The following XRCC4 variants were observed in gnomAD, a reference collection of about 807,000 sequenced individuals.
XRCC4 encodes X-ray repair cross complementing 4.
A neutral mutation model predicts 39.1 loss-of-function variants in XRCC4; 28 were observed. That is an observed-to-expected ratio of 0.72 (90% CI 0.53 to 0.98). XRCC4 has a LOEUF of 0.98. Among genes scored for constraint, XRCC4 ranks in the 50% least tolerant of loss-of-function variants. XRCC4 has a pLI of 0.00. For missense variants in XRCC4, 350 were observed against 376.4 expected (o/e 0.93, Z 0.58); for synonymous variants, 123 against 126.4 (o/e 0.97, Z 0.18).
chr5:83,341,331 CATACACACAT>C (rs1756752674), intron 7 of XRCC4, among the ~76,000 whole-genome samples: 1 of 152,132 alleles, frequency 6.6e-6, no homozygotes, highest in African/African-American at 2.4e-5. Context: ...CATACACACA[CATACACACAT>C]ATATACATGC....
the XRCC4 span, among the ~76,000 whole-genome samples, chr5:83,370,336 C>A: frequency 6.6e-6 from 1 of 152,166 alleles, no homozygotes; most frequent in African/African-American, 2.4e-5. Context: ...TAGGAAGTGT[C>A]CTCATCCCTG....
At chr5:83,089,654 T>C (rs1431841418) in intron 1 of XRCC4, among the ~76,000 whole-genome samples, 1 of 152,148 alleles carries the variant, frequency 6.6e-6, no homozygotes, top group Non-Finnish European at 1.5e-5. Context: ...AATCAAGGTT[T>C]CCCTTGATTT....
downstream of XRCC4, among the ~76,000 whole-genome samples, chr5:83,357,410 A>G (rs1032242588): frequency 2.6e-4 from 39 of 152,202 alleles, no homozygotes; most frequent in African/African-American, 8.4e-4. Flanking sequence ...AGGTATGGAT[A>G]AGAATCCATA....
chr5:83,185,246 A>G (rs920862204), intron 3 of XRCC4, among the ~76,000 whole-genome samples: 27 of 151,964 alleles, frequency 1.8e-4, no homozygotes, highest in African/African-American at 6.5e-4. Flanking sequence ...TAGATGAAAA[A>G]ACATGATGGT....
chr5:83,252,057 G>A (rs529405541), intron 6 of XRCC4, among the ~76,000 whole-genome samples: 1 of 152,338 alleles, frequency 6.6e-6, no homozygotes, highest in Non-Finnish European at 1.5e-5. Flanking sequence ...GTAACTTTGA[G>A]ATACTGCCTA....
At chr5:83,139,379 C>T (rs1748056099) in intron 3 of XRCC4, among the ~76,000 whole-genome samples, 1 of 152,140 alleles carries the variant, frequency 6.6e-6, no homozygotes, top group African/African-American at 2.4e-5. Context: ...TTAAGCATTA[C>T]TGTGGGTGAT....
chr5:83,168,385 G>A (rs139103097), intron 3 of XRCC4, among the ~76,000 whole-genome samples: 17 of 152,114 alleles, frequency 1.1e-4, no homozygotes, highest in African/African-American at 4.1e-4. Flanking sequence ...AAGCAACAAT[G>A]GACTCAATTA....
At chr5:83,151,516 G>T (rs1339745340) in intron 3 of XRCC4, among the ~76,000 whole-genome samples, 1 of 152,056 alleles carries the variant, frequency 6.6e-6, no homozygotes, top group Non-Finnish European at 1.5e-5. Flanking sequence ...GGCCTTAAAA[G>T]CTGACCAACA....
chr5:83,315,409 T>C (rs1755845373), intron 7 of XRCC4, among the ~76,000 whole-genome samples: 1 of 152,142 alleles, frequency 6.6e-6, no homozygotes. Context: ...GCTGAGATAA[T>C]TGATGACAGT....
At chr5:83,292,262 C>T (rs1754947173) in intron 7 of XRCC4, among the ~76,000 whole-genome samples, 1 of 151,796 alleles carries the variant, frequency 6.6e-6, no homozygotes, top group South Asian at 2.1e-4. Flanking sequence ...ATTGAACCAA[C>T]ATTTTCCAAA....
intron 7 of XRCC4, among the ~76,000 whole-genome samples, chr5:83,329,269 A>G (rs1756362460): frequency 6.6e-6 from 1 of 152,118 alleles, no homozygotes; most frequent in Non-Finnish European, 1.5e-5. Flanking sequence ...CAACCCCACA[A>G]AAGAAAAATG....
intron 7 of XRCC4, among the ~76,000 whole-genome samples, chr5:83,305,674 G>T (rs1296159016): frequency 2.6e-5 from 4 of 152,086 alleles, no homozygotes; most frequent in Admixed American, 6.5e-5. Flanking sequence ...TTAAAGGATG[G>T]CTGAGAAAGT....
At chr5:83,218,547 A>G (rs1383117410) in intron 6 of XRCC4, among the ~76,000 whole-genome samples, 2 of 152,134 alleles carry the variant, frequency 1.3e-5, no homozygotes, top group Admixed American at 1.3e-4. Context: ...GCATAAAATC[A>G]TAAGAATAAT....
At chr5:83,122,095 T>G (rs1235892106) in intron 3 of XRCC4, among the ~76,000 whole-genome samples, 1 of 152,178 alleles carries the variant, frequency 6.6e-6, no homozygotes, top group Non-Finnish European at 1.5e-5. Flanking sequence ...AATCATGAAA[T>G]CAGGTGAAAT....
chr5:83,106,466 C>G (rs1044309194), intron 2 of XRCC4, among the ~76,000 whole-genome samples: 1 of 151,864 alleles, frequency 6.6e-6, no homozygotes, highest in Non-Finnish European at 1.5e-5. Flanking sequence ...GTTTCAGGAG[C>G]CTTAATTATC....
chr5:83,090,359 G>A (rs1745369409), intron 1 of XRCC4, among the ~76,000 whole-genome samples: 1 of 151,862 alleles, frequency 6.6e-6, no homozygotes, highest in Non-Finnish European at 1.5e-5. Flanking sequence ...GGGGCTCCCT[G>A]CACAAGCTCT....
intron 3 of XRCC4, among the ~76,000 whole-genome samples, chr5:83,138,951 AAGAG>A (rs1363626642): frequency 1.3e-5 from 2 of 152,142 alleles, no homozygotes; most frequent in Non-Finnish European, 1.5e-5. Flanking sequence ...AAAAATAATA[AAGAG>A]AATTTCTGTA....
intron 7 of XRCC4, among the ~76,000 whole-genome samples, chr5:83,275,994 A>G (rs1754317986): frequency 6.6e-6 from 1 of 152,210 alleles, no homozygotes; most frequent in Admixed American, 6.5e-5. Flanking sequence ...CAATTTTAGT[A>G]TGATCCCAGA....
intron 7 of XRCC4, among the ~76,000 whole-genome samples, chr5:83,308,922 G>A (rs1755583228): frequency 6.6e-6 from 1 of 151,854 alleles, no homozygotes; most frequent in Non-Finnish European, 1.5e-5. Flanking sequence ...TTCATGACAT[G>A]AGAACCATAT....
Sources: allele counts gnomAD v4.1 joint callset (sites outside exome capture counted in the v4.1 genomes callset), GRCh38; gene constraint gnomAD v4.1.1; transcripts MANE v1.5; gene names NCBI Gene and HGNC (gene_info 2026-07-23, HGNC 2026-07-21).